LCOR: variants seen among roughly 807,000 people sequenced by gnomAD.
The protein encoded by LCOR is ligand-dependent corepressor.
A neutral mutation model predicts 64.4 loss-of-function variants in LCOR; 14 were observed. The observed-to-expected ratio is 0.22, with a 90% CI of 0.14 to 0.34. LCOR has a LOEUF of 0.34. Among genes scored for constraint, LCOR ranks in the 10% least tolerant of loss-of-function variants. The probability of loss-of-function intolerance (pLI) is 1.00; values close to 1 mark genes in which losing one functional copy is unlikely to be tolerated. For missense variants in LCOR, 1,686 were observed against 1,765.3 expected (o/e 0.96, Z 0.80); for synonymous variants, 643 against 642.5 (o/e 1.00, Z -0.01).
At position 96,984,057 on chromosome 10, in the gene LCOR, G is replaced by A; in HGVS notation, c.3597G>A (p.Val1199=). The stretch of plus-strand genomic sequence containing the variant: ...CTGAAACCCGGTCTCTAGTCATTGT[G>A]AAGAAGCTCAATACTCGCCTTCCAG... ...ETTETRSLVI[V]KKLNTRLPGD... is the part of the protein sequence containing the mutation. The change falls in exon 8 of 8, where the codon GTG becomes GTA. Residue 1199 remains valine, a synonymous_variant. Transcript: ENST00000421806. 1 of 1,613,928 alleles carries A rather than the reference G, an allele frequency of 6.2e-7. No homozygotes were observed. Among genetic ancestry groups the A allele is most frequent in the Non-Finnish European group, 8.5e-7 (1 of 1,179,948 alleles).
At chr10:96,908,671 A>G (rs1227025822) in intron 4 of LCOR, among the ~76,000 whole-genome samples, 1 of 151,162 alleles carries the variant, frequency 6.6e-6, no homozygotes, top group Non-Finnish European at 1.5e-5. Flanking sequence ...TTCATGGTAC[A>G]TCCATTCCCT....
At chr10:96,836,051 G>T (rs2134357195) in intron 2 of LCOR, among the ~76,000 whole-genome samples, 1 of 152,348 alleles carries the variant, frequency 6.6e-6, no homozygotes, top group African/African-American at 2.4e-5. Flanking sequence ...CTAATGTGGG[G>T]AAAGTTGTGG....
chr10:96,843,977 G>A (rs949261401), intron 2 of LCOR, among the ~76,000 whole-genome samples: 3 of 152,054 alleles, frequency 2.0e-5, no homozygotes, highest in African/African-American at 4.8e-5. Flanking sequence ...TTTTACAGGC[G>A]GGGAAACAGA....
intron 2 of LCOR, among the ~76,000 whole-genome samples, chr10:96,857,454 C>T (rs1402970280): frequency 6.6e-6 from 1 of 152,072 alleles, no homozygotes. Flanking sequence ...TTCAGCTGGA[C>T]TCTCAGTGCT....
Position 96,983,183 on chromosome 10 carries a change from C to T in LCOR, c.2723C>T (p.Thr908Ile). 1 of 1,614,100 alleles carries T rather than the reference C, an allele frequency of 6.2e-7. No homozygotes were observed. Among genetic ancestry groups the T allele is most frequent in the Non-Finnish European group, 8.5e-7 (1 of 1,180,044 alleles). ...GAGGGCGAAGGCGGGGGGATCATCACCAGGCAGACTTTGAAAAACATGCTG... is the reference window on the plus strand; with the variant it reads ...GAGGGCGAAGGCGGGGGGATCATCATCAGGCAGACTTTGAAAAACATGCTG... ...EQEGEGGGII[T>I]RQTLKNMLDK... The change falls in exon 8 of 8, where the codon ACC (threonine) becomes ATC (isoleucine). Residue 908 changes from threonine (T) to isoleucine (I), a missense_variant. Transcript: ENST00000421806. The surrounding 1 kb of genome is among the most constrained non-coding windows in gnomAD (Gnocchi z 4.5).
At chr10:96,976,311 G>T (rs539475165) in intron 7 of LCOR, among the ~76,000 whole-genome samples, 1 of 152,262 alleles carries the variant, frequency 6.6e-6, no homozygotes, top group African/African-American at 2.4e-5. Flanking sequence ...CCTTAAGGTT[G>T]GTGTAGCCTG....
At chr10:96,867,842 T>C (rs966885411) in intron 2 of LCOR, among the ~76,000 whole-genome samples, 1 of 152,122 alleles carries the variant, frequency 6.6e-6, no homozygotes, top group Non-Finnish European at 1.5e-5. Flanking sequence ...TTTTTCAAGA[T>C]AGCCTACTGG....
intron 2 of LCOR, among the ~76,000 whole-genome samples, chr10:96,846,529 A>G (rs763088598): frequency 2.0e-5 from 3 of 152,194 alleles, no homozygotes. Flanking sequence ...CTGTGATTAC[A>G]GGCATGAGCC....
At chr10:96,941,565 C>T (rs1247306019) in intron 4 of LCOR, among the ~76,000 whole-genome samples, 19 of 132,500 alleles carry the variant, frequency 1.4e-4, no homozygotes, top group African/African-American at 3.7e-4. Flanking sequence ...CCCTCCCGGA[C>T]GGGGTGGCTG....
chr10:96,949,367 G>A, intron 6 of LCOR, 72 bp downstream of exon 6: 1 of 1,344,298 alleles, frequency 7.4e-7, no homozygotes. Flanking sequence ...AAAAAGCATT[G>A]GCAAGTAGAG....
At position 96,984,994 on chromosome 10, in the gene LCOR, A is replaced by C; in HGVS notation, c.4534A>C (p.Asn1512His). The C allele has an allele frequency of 6.2e-7, 1 of 1,614,190 alleles. No homozygotes were observed. The highest frequency in any genetic ancestry group is 8.5e-7 in the Non-Finnish European group (1 of 1,180,032). Residue 1512 changes from asparagine to histidine, a missense_variant, in exon 8 of 8, where the codon AAT (asparagine) becomes CAT (histidine). Asn to His is a moderately conservative substitution (Grantham distance 68, BLOSUM62 1). Around this residue, in one of 3 missense-constraint regions of LCOR, gnomAD observed 1,293 missense variants for 1,410.4 expected, o/e 0.92. Transcript: ENST00000421806. ...ESSSRPQKAT[N>H]RKQSSGKTRA... ...CTCTTCAAGGCCTCAGAAAGCCACG[A>C]ATAGGAAGCAGAGTAGTGGAAAGAC...
At chr10:96,909,742 G>A (rs1180149550) in intron 4 of LCOR, among the ~76,000 whole-genome samples, 1 of 152,060 alleles carries the variant, frequency 6.6e-6, no homozygotes, top group Non-Finnish European at 1.5e-5. Context: ...TATTTGGAAT[G>A]GTCTGTTTTT....
intron 4 of LCOR, among the ~76,000 whole-genome samples, chr10:96,909,936 G>A (rs1251251924): frequency 6.6e-6 from 1 of 151,918 alleles, no homozygotes; most frequent in African/African-American, 2.4e-5. Flanking sequence ...AGGAATTTTT[G>A]AAAAATAAAA....
At chr10:96,951,911 G>A (rs557071472) in intron 6 of LCOR, among the ~76,000 whole-genome samples, 192 bp from the exon 7 acceptor site, 1 of 152,240 alleles carries the variant, frequency 6.6e-6, no homozygotes, top group South Asian at 2.1e-4. Flanking sequence ...AGCCCTTGAG[G>A]ATATTAAGTA....
chr10:96,859,760 T>C (rs1186540482), intron 2 of LCOR, among the ~76,000 whole-genome samples: 2 of 152,178 alleles, frequency 1.3e-5, no homozygotes, highest in African/African-American at 4.8e-5. Flanking sequence ...GGTTTTGCCA[T>C]GTTGCCCAGG....
At chr10:96,833,009 C>T in intron 1 of LCOR, 12 of 985,406 alleles carry the variant, frequency 1.2e-5, no homozygotes, top group Non-Finnish European at 1.4e-5. Flanking sequence ...GTCACAGTCC[C>T]CGGGTGCGCC....
At chr10:96,843,549 G>A (rs180958464) in intron 2 of LCOR, among the ~76,000 whole-genome samples, 4 of 152,256 alleles carry the variant, frequency 2.6e-5, no homozygotes, top group Admixed American at 2.6e-4. Context: ...TAGAAAGGAT[G>A]ACGTAACTTG....
chr10:96,951,499 A>G (rs1847678949), intron 6 of LCOR, among the ~76,000 whole-genome samples: 1 of 152,134 alleles, frequency 6.6e-6, no homozygotes, highest in African/African-American at 2.4e-5. Context: ...TTTTTTATAG[A>G]TGGTCTAGAA....
At position 96,982,497 on chromosome 10, in the gene LCOR, G is replaced by T; in HGVS notation, c.2037G>T (p.Gly679=). ...HLLPSTESFS[G]GVSEDVISRP... is the part of the protein sequence containing the mutation. ...TTCCCTCCACTGAAAGCTTTTCCGG[G>T]GGAGTCAGTGAAGATGTCATTTCTA... Residue 679 remains glycine (G), a synonymous_variant, in exon 8 of 8, where the codon GGG becomes GGT. Transcript: ENST00000421806. 6.2e-7 allele frequency: 1 copy of T among 1,614,206 alleles called. No individual in the cohort carries two copies. Among genetic ancestry groups the T allele is most frequent in the Non-Finnish European group, 8.5e-7 (1 of 1,180,052 alleles).
Sources: allele counts gnomAD v4.1 joint callset (sites outside exome capture counted in the v4.1 genomes callset), GRCh38; gene constraint gnomAD v4.1.1; regional missense constraint gnomAD v4.1.1; non-coding constraint Gnocchi (gnomAD v3.1); transcripts MANE v1.5; gene names NCBI Gene and HGNC (gene_info 2026-07-23, HGNC 2026-07-21).